Variants in LGMN observed in about 807,000 individuals in gnomAD.
LGMN encodes the protein legumain.
A neutral mutation model predicts 56.8 loss-of-function variants in LGMN; 36 were observed. The observed-to-expected ratio is 0.63, with a 90% CI of 0.49 to 0.84. The LOEUF is 0.84. LGMN is among the 40% of genes least tolerant of loss of function. The probability of loss-of-function intolerance (pLI) is 0.00; values close to 1 mark genes in which losing one functional copy is unlikely to be tolerated. For missense variants in LGMN, 446 were observed against 556.1 expected (o/e 0.80, Z 1.99); for synonymous variants, 199 against 210.1 (o/e 0.95, Z 0.46).
chr14:92,735,146 C>T (rs1818946849), intron 1 of LGMN, among the ~76,000 whole-genome samples: 1 of 152,184 alleles, frequency 6.6e-6, no homozygotes, highest in South Asian at 2.1e-4. Context: ...GAATATGCAC[C>T]TAGGTCACCT....
intron 1 of LGMN, among the ~76,000 whole-genome samples, chr14:92,739,364 G>A (rs112402463): frequency 6.6e-6 from 1 of 152,038 alleles, no homozygotes; most frequent in African/African-American, 2.4e-5. Context: ...GCTCTCCAGG[G>A]TCCCCATTAC....
At chr14:92,713,362 G>A (rs1263497726) in intron 7 of LGMN, among the ~76,000 whole-genome samples, 1 of 152,098 alleles carries the variant, frequency 6.6e-6, no homozygotes, top group Non-Finnish European at 1.5e-5. Context: ...CTACAGGAGT[G>A]AGCCACCACA....
rs545318705 is a variant in LGMN at position 92,743,940 on chromosome 14, G to A, written c.-30+4549C>T. Among the ~76,000 whole-genome samples the A allele has an allele frequency of 2.4e-4, 36 of 152,082 alleles. 1 individual carries two copies. Among genetic ancestry groups the A allele is most frequent in the African/African-American group, 8.4e-4 (35 of 41,466 alleles). ...AAAGGTTGAGGTGGGCGGATTACAA[G>A]GTCAAGAGATCAATACCATCCTGGC... On this transcript the variant is annotated intron_variant, in intron 1 of 13. Transcript: ENST00000334869.
intron 10 of LGMN, among the ~76,000 whole-genome samples, chr14:92,710,745 C>A (rs908851486): frequency 6.6e-6 from 1 of 152,208 alleles, no homozygotes; most frequent in Non-Finnish European, 1.5e-5. Context: ...GCGGGGCCCC[C>A]ACATGGCCAG....
chr14:92,709,946 G>T, intron 10 of LGMN, 74 bp from the exon 11 acceptor site: 1 of 1,272,476 alleles, frequency 7.9e-7, no homozygotes, highest in Non-Finnish European at 1.1e-6. Flanking sequence ...GAGAGAGGGA[G>T]AGAGAGAGCT....
intron 1 of LGMN, chr14:92,741,367 G>A (rs1891548126): frequency 6.6e-6 from 1 of 152,086 alleles, no homozygotes; most frequent in Non-Finnish European, 1.5e-5. Context: ...TCACATCCAG[G>A]TCTGATACCA....
At chr14:92,746,111 G>A (rs1308909457) in intron 1 of LGMN, among the ~76,000 whole-genome samples, 6 of 152,058 alleles carry the variant, frequency 3.9e-5, no homozygotes, top group African/African-American at 1.2e-4. Flanking sequence ...ACGAGCCACC[G>A]CGCCCAGCGA....
chr14:92,729,467 GCCC>G lies in LGMN; in HGVS notation c.138+3179_138+3181del, dbSNP rs777922277. ...TCCTGCCCACATCACCTCAGATCAC[GCCC>G]CCCCCCCCCGCCCCCGTTAAACACT... On this transcript the variant is annotated intron_variant, in intron 2 of 13. Transcript: ENST00000334869. Among the ~76,000 whole-genome samples the G allele has an allele frequency of 6.3e-4, 16 of 25,406 alleles. 1 individual carries two copies. Among genetic ancestry groups the G allele is most frequent in the Admixed American group, 5.7e-3 (10 of 1,766 alleles). 16.7% of individuals were successfully genotyped at this position (25,406 alleles called of 152,430 possible).
intron 2 of LGMN, among the ~76,000 whole-genome samples, chr14:92,722,466 C>T (rs1417566584): frequency 6.6e-6 from 1 of 151,942 alleles, no homozygotes; most frequent in Non-Finnish European, 1.5e-5. Flanking sequence ...GCCTGTAATC[C>T]CAGCTACTCG....
Position 92,735,200 on chromosome 14 carries a change from G to A in LGMN, c.-29-2385C>T, listed in dbSNP as rs540278415. The stretch of plus-strand genomic sequence containing the variant: ...TTCTGATTCAGTAGGCCTGGGGCAG[G>A]GCCTGAGACTGCATTTCTTTTTTTG... On this transcript the variant is annotated intron_variant, in intron 1 of 13. Coordinates refer to ENST00000334869, the MANE Select transcript of LGMN (RefSeq NM_005606.7). Among the ~76,000 whole-genome samples, 3 of 152,136 alleles carry A rather than the reference G, an allele frequency of 2.0e-5. No individual in the cohort carries two copies. In the East Asian group the frequency reaches 5.8e-4, roughly 29 times the overall value.
At chr14:92,718,311 C>T (rs572076189) in intron 3 of LGMN, among the ~76,000 whole-genome samples, 8 of 152,160 alleles carry the variant, frequency 5.3e-5, no homozygotes, top group Non-Finnish European at 1.2e-4. Context: ...TGGTGGCTCA[C>T]ATCTGTAATC....
chr14:92,741,557 AATC>A (rs1035632454), intron 1 of LGMN: 1 of 152,098 alleles, frequency 6.6e-6, no homozygotes, highest in Non-Finnish European at 1.5e-5. Flanking sequence ...TTTAAAATAA[AATC>A]ATCCTGAAGG....
chr14:92,745,466 C>T (rs938874099), intron 1 of LGMN, among the ~76,000 whole-genome samples: 1 of 152,224 alleles, frequency 6.6e-6, no homozygotes. Flanking sequence ...TAAACCCACT[C>T]ATCTTTTTTC....
chr14:92,729,467 GC>G (rs777922277), intron 2 of LGMN, among the ~76,000 whole-genome samples: 633 of 25,366 alleles, frequency 0.025, 31 homozygotes, highest in African/African-American at 0.07. Context: ...CTCAGATCAC[GC>G]CCCCCCCCCC....
At chr14:92,746,195 A>C (rs1452634184) in intron 1 of LGMN, among the ~76,000 whole-genome samples, 2 of 152,192 alleles carry the variant, frequency 1.3e-5, no homozygotes, top group African/African-American at 4.8e-5. Flanking sequence ...TGATGAACAT[A>C]CAATGATCTA....
At chr14:92,746,314 C>G (rs546343609) in intron 1 of LGMN, among the ~76,000 whole-genome samples, 2 of 152,214 alleles carry the variant, frequency 1.3e-5, no homozygotes, top group African/African-American at 4.8e-5. Flanking sequence ...ACAACTTCCC[C>G]CTGATAAACT....
chr14:92,718,248 C>A (rs1890170556), intron 3 of LGMN, among the ~76,000 whole-genome samples: 1 of 152,160 alleles, frequency 6.6e-6, no homozygotes, highest in South Asian at 2.1e-4. Flanking sequence ...ATGTCTTTGC[C>A]ATTCCCAGGG....
chr14:92,740,843 C>T (rs1474994758), intron 1 of LGMN, among the ~76,000 whole-genome samples: 2 of 152,208 alleles, frequency 1.3e-5, no homozygotes, highest in African/African-American at 4.8e-5. Flanking sequence ...ACTCGGACTT[C>T]ATCCCTGCTC....
Position 92,704,159 on chromosome 14 carries a change from G to A in LGMN, c.*160C>T. Reference sequence around the variant, plus strand: ...AGACTGGGGAAGCAGGTAACAGCGAGCAAGTCATCTTGTGAAGAAGGTCCT... The same window carrying A: ...AGACTGGGGAAGCAGGTAACAGCGAACAAGTCATCTTGTGAAGAAGGTCCT... On this transcript the variant is annotated 3_prime_UTR_variant, in exon 14 of 14. Coordinates refer to ENST00000334869, the MANE Select transcript of LGMN (RefSeq NM_005606.7). The A allele has an allele frequency of 1.2e-6, 1 of 843,738 alleles. No homozygotes were observed. Among genetic ancestry groups the A allele is most frequent in the Non-Finnish European group, 2.0e-6 (1 of 494,502 alleles). 52.3% of individuals were successfully genotyped at this position (843,738 alleles called of 1,614,324 possible). A position where few individuals can be genotyped will look rare whatever the true frequency, so the allele number is the denominator to read the frequency against.
Sources: gnomAD v4.1 joint callset for allele counts (sites outside exome capture counted in the v4.1 genomes callset) on GRCh38, gnomAD v4.1.1 for gene constraint, MANE v1.5 for transcripts, NCBI Gene and HGNC (gene_info 2026-07-23, HGNC 2026-07-21) for gene names.